Variants in SH3GL2 observed in about 807,000 individuals in gnomAD.
SH3GL2 encodes the protein SH3 domain containing GRB2 like 2, endophilin A1, also known as endophilin-A1.
SH3GL2 carries 24 observed loss-of-function variants against 46.0 expected under a neutral mutation model. The observed-to-expected ratio is 0.52, with a 90% CI of 0.38 to 0.73. SH3GL2 has a LOEUF of 0.73. Ranked by LOEUF, SH3GL2 falls within the 30% of genes least tolerant of loss-of-function variation. The probability of loss-of-function intolerance (pLI) is 0.00; values close to 1 mark genes in which losing one functional copy is unlikely to be tolerated. For synonymous variants in SH3GL2, 196 were observed against 147.1 expected (o/e 1.33, Z -2.40); for missense variants, 413 against 424.2 (o/e 0.97, Z 0.23).
intron 1 of SH3GL2, among the ~76,000 whole-genome samples, chr9:17,740,526 CAAAG>C (rs1588291113): frequency 7.2e-5 from 10 of 137,990 alleles, no homozygotes; most frequent in Admixed American, 5.1e-4. Flanking sequence ...TACTAAATAA[CAAAG>C]AACTTTTGCA....
At chr9:17,742,531 A>G (rs983474572) in intron 1 of SH3GL2, among the ~76,000 whole-genome samples, 3 of 152,312 alleles carry the variant, frequency 2.0e-5, no homozygotes, top group African/African-American at 7.2e-5. Flanking sequence ...GCTGTTTGAA[A>G]TACCATCCCA....
chr9:17,775,618 A>G (rs1823620676), intron 3 of SH3GL2, among the ~76,000 whole-genome samples: 1 of 152,200 alleles, frequency 6.6e-6, no homozygotes. Flanking sequence ...ATTATTCGGC[A>G]TTTGTCCTGC....
intron 1 of SH3GL2, among the ~76,000 whole-genome samples, chr9:17,595,256 C>G (rs760669913): frequency 1.3e-5 from 2 of 152,128 alleles, no homozygotes; most frequent in Non-Finnish European, 2.9e-5. Context: ...TACCTAAAAG[C>G]TCTTAGTGGT....
intron 1 of SH3GL2, among the ~76,000 whole-genome samples, chr9:17,740,376 C>G (rs904418089): frequency 3.3e-5 from 5 of 152,054 alleles, no homozygotes; most frequent in African/African-American, 1.2e-4. Flanking sequence ...TCTGGAAAAA[C>G]AAGATCTATG....
In SH3GL2 at chr9:17,795,745, A is replaced by T. The variant is rs370564967; in HGVS notation, c.*2A>T. 1.2e-6 allele frequency: 2 copies of T among 1,612,096 alleles called. No individual in the cohort carries two copies. The highest frequency in any genetic ancestry group is 1.7e-6 in the Non-Finnish European group (2 of 1,178,562). ...ATTCTGGTTGCCCTGCCCCATTAGG[A>T]TGTTATGCTGGCTGGCTCGCCTCCT... On this transcript the variant is annotated 3_prime_UTR_variant, in exon 9 of 9. Transcript: ENST00000380607.
At chr9:17,634,158 C>A (rs1459478390) in intron 1 of SH3GL2, among the ~76,000 whole-genome samples, 1 of 152,000 alleles carries the variant, frequency 6.6e-6, no homozygotes, top group African/African-American at 2.4e-5. Context: ...ACCACTGGTA[C>A]CCTCAGGTGG....
At chr9:17,666,899 C>A (rs900982298) in intron 1 of SH3GL2, among the ~76,000 whole-genome samples, 1 of 152,128 alleles carries the variant, frequency 6.6e-6, no homozygotes, top group South Asian at 2.1e-4. Context: ...ACCTATTTCT[C>A]CACAGTTTTG....
At chr9:17,723,526 A>G (rs568024013) in intron 1 of SH3GL2, among the ~76,000 whole-genome samples, 4 of 152,308 alleles carry the variant, frequency 2.6e-5, no homozygotes, top group East Asian at 1.9e-4. Context: ...ATTTGTTGAG[A>G]TGAAATCTGT....
At chr9:17,690,735 C>T (rs574495936) in intron 1 of SH3GL2, among the ~76,000 whole-genome samples, 4 of 152,144 alleles carry the variant, frequency 2.6e-5, no homozygotes, top group South Asian at 2.1e-4. Flanking sequence ...TGAAAAGTGC[C>T]GGGTACTAGG....
At chr9:17,693,351 A>T (rs1410823146) in intron 1 of SH3GL2, among the ~76,000 whole-genome samples, 1 of 152,136 alleles carries the variant, frequency 6.6e-6, no homozygotes, top group African/African-American at 2.4e-5. Context: ...GGCTTAATGG[A>T]TGCTCTTTTG....
rs1563805591 is a variant in SH3GL2, at chr9:17,671,192, T to G, written c.46-75874T>G. On this transcript the variant is annotated intron_variant, in intron 1 of 8. Coordinates refer to ENST00000380607, the MANE Select transcript of SH3GL2 (RefSeq NM_003026.5). ...TAGTACTGAAAGGAGATAGAAAAGT[T>G]CAGCTTTTAAGTCATTCATTTATTT... Among the ~76,000 whole-genome samples, 7 of 152,292 alleles carry G rather than the reference T, an allele frequency of 4.6e-5. No homozygotes were observed. The South Asian group carries it at 1.5e-3, about 32-fold the overall frequency.
intron 1 of SH3GL2, among the ~76,000 whole-genome samples, chr9:17,699,407 C>T (rs767983294): frequency 3.9e-5 from 6 of 152,168 alleles, no homozygotes; most frequent in African/African-American, 9.7e-5. Context: ...GCCAGACTGA[C>T]AGGAATTTCA....
intron 2 of SH3GL2, among the ~76,000 whole-genome samples, chr9:17,759,164 C>T (rs2131148335): frequency 6.6e-6 from 1 of 152,302 alleles, no homozygotes; most frequent in South Asian, 2.1e-4. Context: ...ATAGACACTG[C>T]AGGTACCAGT....
At chr9:17,621,894 C>T (rs1819150163) in intron 1 of SH3GL2, among the ~76,000 whole-genome samples, 2 of 152,192 alleles carry the variant, frequency 1.3e-5, no homozygotes, top group Non-Finnish European at 2.9e-5. Flanking sequence ...ACTTTTTCTA[C>T]TTTGCCCAAT....
At chr9:17,670,783 A>G (rs1273042038) in intron 1 of SH3GL2, among the ~76,000 whole-genome samples, 1 of 152,040 alleles carries the variant, frequency 6.6e-6, no homozygotes, top group Non-Finnish European at 1.5e-5. Flanking sequence ...CTTTTTATTC[A>G]TTTCTTATCT....
At chr9:17,760,001 A>G (rs904523267) in intron 2 of SH3GL2, among the ~76,000 whole-genome samples, 1 of 152,162 alleles carries the variant, frequency 6.6e-6, no homozygotes, top group Non-Finnish European at 1.5e-5. Flanking sequence ...ACTTGAGTAC[A>G]TAGTGGTTGT....
intron 1 of SH3GL2, among the ~76,000 whole-genome samples, chr9:17,691,808 A>T (rs1821086172): frequency 6.6e-6 from 1 of 152,026 alleles, no homozygotes; most frequent in East Asian, 1.9e-4. Flanking sequence ...TCAGTATTTG[A>T]TTTGGACTTT....
intron 1 of SH3GL2, among the ~76,000 whole-genome samples, chr9:17,731,924 C>T (rs1183126963): frequency 6.6e-6 from 1 of 152,114 alleles, no homozygotes; most frequent in Non-Finnish European, 1.5e-5. Flanking sequence ...AAAAGACATT[C>T]AGTGACTATT....
chr9:17,777,643 C>T (rs889743778), intron 3 of SH3GL2, among the ~76,000 whole-genome samples: 2 of 151,902 alleles, frequency 1.3e-5, no homozygotes, highest in African/African-American at 2.4e-5. Context: ...GGTAGTTAGA[C>T]GCCTTCTCAC....
Sources: allele counts gnomAD v4.1 joint callset (sites outside exome capture counted in the v4.1 genomes callset), GRCh38; gene constraint gnomAD v4.1.1; transcripts MANE v1.5; gene names NCBI Gene and HGNC (gene_info 2026-07-23, HGNC 2026-07-21).